The following MITF variants were observed in gnomAD, a reference collection of about 807,000 sequenced individuals.
MITF encodes melanocyte inducing transcription factor, also known as microphthalmia-associated transcription factor.
In MITF, 17 loss-of-function variants were observed where a neutral mutation model predicts 60.5. The observed-to-expected ratio is 0.28, with a 90% CI of 0.19 to 0.42. The LOEUF is 0.42. Ranked by LOEUF, MITF falls within the 10% of genes least tolerant of loss-of-function variation. The pLI, the probability that MITF is intolerant of heterozygous loss-of-function variation, is 1.00. For missense variants in MITF, 622 were observed against 683.5 expected (o/e 0.91, Z 1.00); for synonymous variants, 260 against 248.5 (o/e 1.05, Z -0.43).
chr3:69,951,987 C>G, intron 7 of MITF, 101 bp downstream of exon 7: 1 of 862,716 alleles, frequency 1.2e-6, no homozygotes, highest in Non-Finnish European at 1.9e-6. Flanking sequence ...ATTCCTACAG[C>G]TGTTAAAATT....
chr3:69,939,017 C>T, intron 3 of MITF, 81 bp from the exon 4 acceptor site: 1 of 1,568,580 alleles, frequency 6.4e-7, no homozygotes, highest in Non-Finnish European at 8.7e-7. Context: ...TGTTGCTGTG[C>T]CATCAGCTTT....
intron 2 of MITF, among the ~76,000 whole-genome samples, chr3:69,899,713 T>G (rs911503819): frequency 6.6e-6 from 1 of 152,098 alleles, no homozygotes; most frequent in South Asian, 2.1e-4. Context: ...TTGGAAAAAA[T>G]TCTTTTTTCC....
intron 9 of MITF, 84 bp from the exon 10 acceptor site, chr3:69,964,763 T>C (rs547273017): frequency 8.1e-7 from 1 of 1,236,426 alleles, no homozygotes. Flanking sequence ...TCTACCATTA[T>C]AGTATCATAT....
chr3:69,929,396 G>A lies in MITF; in HGVS notation c.355-8426G>A, dbSNP rs1216925873. On this transcript the variant is annotated intron_variant, in intron 2 of 9. Coordinates refer to ENST00000352241, the MANE Select transcript of MITF (RefSeq NM_001354604.2). ...GAGGTAATGCTCCTGGGGTGGGGTG[G>A]AGTGGGAGAAGTAGGCACAGTGGAC... Among the ~76,000 whole-genome samples, 3 of 152,228 alleles carry A rather than the reference G, an allele frequency of 2.0e-5. No individual in the cohort carries two copies. The East Asian group carries it at 5.8e-4, about 29-fold the overall frequency.
At chr3:69,835,558 T>C (rs983387812) in intron 1 of MITF, among the ~76,000 whole-genome samples, 2 of 152,126 alleles carry the variant, frequency 1.3e-5, no homozygotes, top group Non-Finnish European at 2.9e-5. Context: ...CCAAGCCCAG[T>C]GTTGTGAAGC....
intron 1 of MITF, among the ~76,000 whole-genome samples, chr3:69,749,136 T>C (rs1703836122): frequency 6.6e-6 from 1 of 152,144 alleles, no homozygotes; most frequent in Non-Finnish European, 1.5e-5. Flanking sequence ...AGGACCTAGC[T>C]CAATCCTGGT....
At chr3:69,788,422 C>G (rs981610652) in intron 1 of MITF, among the ~76,000 whole-genome samples, 2 of 151,720 alleles carry the variant, frequency 1.3e-5, no homozygotes, top group African/African-American at 4.8e-5. Context: ...ACTATTTTCT[C>G]TCTCAGAGAA....
chr3:69,790,826 A>G (rs988352372), intron 1 of MITF, among the ~76,000 whole-genome samples: 3 of 152,180 alleles, frequency 2.0e-5, no homozygotes, highest in Admixed American at 6.5e-5. Context: ...ATTCAGATTC[A>G]TTTCTCTCAC....
At chr3:69,885,085 A>C (rs1395444752) in intron 2 of MITF, among the ~76,000 whole-genome samples, 1 of 152,066 alleles carries the variant, frequency 6.6e-6, no homozygotes, top group African/African-American at 2.4e-5. Context: ...TGTACAGCAC[A>C]ATCTGGGTTT....
chr3:69,855,799 G>T (rs2063908743), intron 1 of MITF, among the ~76,000 whole-genome samples: 4 of 152,124 alleles, frequency 2.6e-5, no homozygotes, highest in Admixed American at 6.5e-5. Context: ...TAGAGGAGAG[G>T]TCTTTATATA....
At chr3:69,764,210 G>A (rs2062255422) in intron 1 of MITF, among the ~76,000 whole-genome samples, 2 of 152,186 alleles carry the variant, frequency 1.3e-5, no homozygotes, top group South Asian at 4.1e-4. Context: ...GGTATTTGAA[G>A]CTGTAGAAGT....
intron 2 of MITF, among the ~76,000 whole-genome samples, chr3:69,883,560 T>C (rs1033642961): frequency 2.6e-5 from 4 of 152,210 alleles, no homozygotes; most frequent in African/African-American, 9.7e-5. Context: ...CATGAAAATG[T>C]GTGTGGAGTT....
chr3:69,891,698 C>T (rs1217968912), intron 2 of MITF, among the ~76,000 whole-genome samples: 2 of 152,180 alleles, frequency 1.3e-5, no homozygotes, highest in African/African-American at 4.8e-5. Flanking sequence ...TGTAGAGCCT[C>T]TGAGATCCTT....
At chr3:69,780,581 G>A (rs1237023862) in intron 1 of MITF, among the ~76,000 whole-genome samples, 2 of 152,146 alleles carry the variant, frequency 1.3e-5, no homozygotes, top group Admixed American at 1.3e-4. Context: ...TCATGGAATT[G>A]CCATTAGATG....
At chr3:69,789,556 G>A (rs2062705488) in intron 1 of MITF, among the ~76,000 whole-genome samples, 1 of 152,114 alleles carries the variant, frequency 6.6e-6, no homozygotes, top group African/African-American at 2.4e-5. Context: ...TGATACAGCT[G>A]CTACGGAAAG....
chr3:69,759,052 A>AT (rs1395695564), intron 1 of MITF, among the ~76,000 whole-genome samples: 1 of 152,176 alleles, frequency 6.6e-6, no homozygotes, highest in Admixed American at 6.5e-5. Context: ...AATTCTCATT[A>AT]TTTTTGTTTT....
At chr3:69,775,770 A>G (rs2062464001) in intron 1 of MITF, among the ~76,000 whole-genome samples, 1 of 152,206 alleles carries the variant, frequency 6.6e-6, no homozygotes, top group African/African-American at 2.4e-5. Context: ...GGGTAGGCAT[A>G]GAAAACTGAC....
At chr3:69,894,632 G>A (rs2064832681) in intron 2 of MITF, among the ~76,000 whole-genome samples, 1 of 150,136 alleles carries the variant, frequency 6.7e-6, no homozygotes, top group African/African-American at 2.5e-5. Context: ...GTTGCAGTGA[G>A]CCAAGATCAT....
chr3:69,874,180 T>G (rs1400051193), intron 1 of MITF, among the ~76,000 whole-genome samples: 1 of 152,202 alleles, frequency 6.6e-6, no homozygotes, highest in East Asian at 1.9e-4. Context: ...ATGATGAAGA[T>G]TATTTTTTAC....
Sources: allele counts gnomAD v4.1 joint callset (sites outside exome capture counted in the v4.1 genomes callset), GRCh38; gene constraint gnomAD v4.1.1; transcripts MANE v1.5; gene names NCBI Gene and HGNC (gene_info 2026-07-23, HGNC 2026-07-21).